Variants in OTUD7A observed in about 807,000 individuals in gnomAD.
OTUD7A encodes the protein OTU domain-containing protein 7A.
Under a neutral mutation model 65.7 loss-of-function variants are expected in OTUD7A, and 12 were observed. The observed-to-expected ratio is 0.18, with a 90% CI of 0.12 to 0.30. OTUD7A has a LOEUF of 0.30. Among genes scored for constraint, OTUD7A ranks in the 10% least tolerant of loss-of-function variants. The pLI, the probability that OTUD7A is intolerant of heterozygous loss-of-function variation, is 1.00. For missense variants in OTUD7A, 1,148 were observed against 1,304.8 expected, an observed-to-expected ratio of 0.88 and a Z score of 1.85; for synonymous variants, 641 against 586.3, an observed-to-expected ratio of 1.09 and a Z score of -1.35.
At chr15:31,542,185 G>A (rs148520289) in intron 5 of OTUD7A, among the ~76,000 whole-genome samples, 1 of 152,010 alleles carries the variant, frequency 6.6e-6, no homozygotes, top group East Asian at 1.9e-4. Context: ...CAGAAAACAA[G>A]CCACTGTGAG....
intron 1 of OTUD7A, chr15:31,768,094 G>C (rs916105272): frequency 1.3e-6 from 2 of 1,597,164 alleles, no homozygotes; most frequent in African/African-American, 1.3e-5. Flanking sequence ...ATTTTTTAAA[G>C]TGTTGTCTGT....
chr15:31,834,587 T>C (rs1361522506), intron 1 of OTUD7A, among the ~76,000 whole-genome samples: 1 of 152,226 alleles, frequency 6.6e-6, no homozygotes, highest in African/African-American at 2.4e-5. Flanking sequence ...AGGAGCTGCC[T>C]CTTGCTGGAT....
Position 31,530,820 on chromosome 15 carries a change from G to T in OTUD7A, c.551-12C>A, listed in dbSNP as rs1465122429. Reference sequence around the variant, plus strand: ...CCAGTTCAGGCGACCTGGAAAAGAAGCTCACTTTAGAACAGGATCCCAGAA... The same window carrying T: ...CCAGTTCAGGCGACCTGGAAAAGAATCTCACTTTAGAACAGGATCCCAGAA... On this transcript the variant is annotated splice_polypyrimidine_tract_variant and intron_variant, in intron 5 of 12. Transcript: ENST00000307050. 1.2e-6 allele frequency: 2 copies of T among 1,612,252 alleles called. No individual in the cohort carries two copies. The highest frequency in any genetic ancestry group is 1.7e-6 in the Non-Finnish European group (2 of 1,178,820).
At chr15:31,767,091 T>C (rs1171465367) in intron 1 of OTUD7A, 6 of 1,561,120 alleles carry the variant, frequency 3.8e-6, no homozygotes, top group Non-Finnish European at 5.2e-6. Context: ...TTATCTGTAG[T>C]CTCTCAGTAG....
chr15:31,784,128 A>G (rs1207902819), intron 1 of OTUD7A, among the ~76,000 whole-genome samples: 1 of 152,250 alleles, frequency 6.6e-6, no homozygotes, highest in Non-Finnish European at 1.5e-5. Context: ...TCATATGTAG[A>G]TAAGTGCAAG....
intron 1 of OTUD7A, among the ~76,000 whole-genome samples, chr15:31,797,201 T>A (rs1595776005): frequency 1.3e-5 from 2 of 152,184 alleles, no homozygotes; most frequent in South Asian, 4.1e-4. Flanking sequence ...GCGCTGCCTC[T>A]GAGACGTGAT....
intron 1 of OTUD7A, among the ~76,000 whole-genome samples, chr15:31,800,082 T>C (rs949018737): frequency 2.6e-5 from 4 of 152,180 alleles, no homozygotes; most frequent in African/African-American, 9.7e-5. Context: ...GGCAGAAATC[T>C]GGCAGTGATA....
At chr15:31,744,122 T>C (rs1161535778) in intron 1 of OTUD7A, among the ~76,000 whole-genome samples, 1 of 152,212 alleles carries the variant, frequency 6.6e-6, no homozygotes, top group Non-Finnish European at 1.5e-5. Flanking sequence ...GAAAATCGTA[T>C]TTATTATGAA....
intron 3 of OTUD7A, among the ~76,000 whole-genome samples, chr15:31,634,713 G>A (rs1364992034): frequency 2.0e-5 from 3 of 152,264 alleles, no homozygotes; most frequent in East Asian, 1.9e-4. Context: ...CGATGACAGC[G>A]ATGGAGTCCC....
chr15:31,723,461 C>T (rs967223836), intron 1 of OTUD7A, among the ~76,000 whole-genome samples: 7 of 144,412 alleles, frequency 4.8e-5, no homozygotes, highest in Non-Finnish European at 7.6e-5. Context: ...CCAGCCTTGC[C>T]GAGAGAAAGA....
rs1236871957 is a variant in OTUD7A, at chr15:31,475,928, G to A, written c.*7366C>T. On this transcript the variant is annotated 3_prime_UTR_variant, in exon 13 of 13. Transcript: ENST00000307050. ...AGAGGAACATTCACTGACTTCATTA[G>A]GCCAAACGCACGTTTAATGGAACAA... 6.6e-6 allele frequency: 1 copy of A among 152,230 alleles called. No individual in the cohort carries two copies. The highest frequency in any genetic ancestry group is 1.5e-5 in the Non-Finnish European group (1 of 68,038). 9.4% of individuals were successfully genotyped at this position (152,230 alleles called of 1,614,324 possible).
At chr15:31,719,126 C>G (rs1374578294) in intron 1 of OTUD7A, among the ~76,000 whole-genome samples, 2 of 152,010 alleles carry the variant, frequency 1.3e-5, no homozygotes, top group Admixed American at 1.3e-4. Flanking sequence ...ATTCTGTTGC[C>G]CAGGCTGGAG....
chr15:31,531,520 C>CAAA (rs60332452), intron 5 of OTUD7A, among the ~76,000 whole-genome samples: 5,311 of 78,918 alleles, frequency 0.067, 204 homozygotes, highest in East Asian at 0.26. Context: ...GAGTAGGCCA[C>CAAA]AAAAAAAAAA....
intron 1 of OTUD7A, among the ~76,000 whole-genome samples, chr15:31,677,823 T>C (rs550406342): frequency 1.4e-4 from 21 of 152,308 alleles, no homozygotes; most frequent in African/African-American, 4.8e-4. Context: ...GGTGCTGCTA[T>C]AAAGATACCC....
chr15:31,635,425 T>C (rs1274448093), intron 3 of OTUD7A, among the ~76,000 whole-genome samples: 1 of 152,142 alleles, frequency 6.6e-6, no homozygotes, highest in Non-Finnish European at 1.5e-5. Context: ...AAATAATATT[T>C]CCTGCCTGAA....
chr15:31,846,297 T>C (rs2140999594), intron 1 of OTUD7A, among the ~76,000 whole-genome samples: 1 of 152,342 alleles, frequency 6.6e-6, no homozygotes, highest in East Asian at 1.9e-4. Context: ...GTCTAGAGCC[T>C]GTGGCCCAAA....
In OTUD7A at chr15:31,479,764, G is replaced by C. The variant is rs991651431; in HGVS notation, c.*3530C>G. 3.3e-5 allele frequency: 5 copies of C among 152,064 alleles called. No homozygotes were observed. Among genetic ancestry groups the C allele is most frequent in the Admixed American group, 2.0e-4 (3 of 15,270 alleles). 9.4% of individuals were successfully genotyped at this position (152,064 alleles called of 1,614,324 possible). A position where few individuals can be genotyped will look rare whatever the true frequency, so the allele number is the denominator to read the frequency against. On this transcript the variant is annotated 3_prime_UTR_variant, in exon 13 of 13. Coordinates refer to ENST00000307050, the MANE Select transcript of OTUD7A (RefSeq NM_001382637.1). ...GGTGTGCACCTGGGGGGCATGGAGA[G>C]TCCTTTTATCTTCAGCACCCCCAAT...
intron 1 of OTUD7A, among the ~76,000 whole-genome samples, chr15:31,739,874 C>T (rs969539486): frequency 2.0e-5 from 3 of 152,234 alleles, no homozygotes; most frequent in Non-Finnish European, 4.4e-5. Flanking sequence ...CCTGGCCTCA[C>T]CATGTCTTGA....
At chr15:31,515,861 GCCATCCACCCACCCATACACCTGT>G (rs1336690064) in intron 8 of OTUD7A, among the ~76,000 whole-genome samples, 1 of 140,466 alleles carries the variant, frequency 7.1e-6, no homozygotes, top group African/African-American at 2.7e-5. Flanking sequence ...ATCCATCCAT[GCCATCCACCCACCCATACACCTGT>G]CCACCCACCC....
Sources: gnomAD v4.1 joint callset for allele counts (sites outside exome capture counted in the v4.1 genomes callset) on GRCh38, gnomAD v4.1.1 for gene constraint, MANE v1.5 for transcripts, NCBI Gene and HGNC (gene_info 2026-07-23, HGNC 2026-07-21) for gene names.